The following CRYL1 variants were observed in gnomAD, a reference collection of about 807,000 sequenced individuals.
CRYL1 encodes the protein crystallin lambda 1, also known as lambda-crystallin homolog.
In CRYL1, 29 loss-of-function variants were observed where a neutral mutation model predicts 36.6. The observed-to-expected ratio is 0.79, with a 90% CI of 0.59 to 1.08. CRYL1 has a LOEUF of 1.08. Ranked by LOEUF, CRYL1 falls within the 50% of genes least tolerant of loss-of-function variation. The pLI, the probability that CRYL1 is intolerant of heterozygous loss-of-function variation, is 0.00. For missense variants in CRYL1, 411 were observed against 407.9 expected (o/e 1.01, Z -0.06); for synonymous variants, 152 against 151.5 (o/e 1.00, Z -0.02).
intron 3 of CRYL1, among the ~76,000 whole-genome samples, chr13:20,462,264 C>T (rs2032846828): frequency 6.6e-6 from 1 of 151,454 alleles, no homozygotes; most frequent in African/African-American, 2.4e-5. Context: ...TGGTGGGAGG[C>T]CCTGGGGGCG....
Position 20,413,341 on chromosome 13 carries a change from C to A in CRYL1, c.680G>T (p.Gly227Val), listed in dbSNP as rs766916866. 1.9e-6 allele frequency: 3 copies of A among 1,613,826 alleles called. No homozygotes were observed. Among genetic ancestry groups the A allele is most frequent in the South Asian group, 1.1e-5 (1 of 91,034 alleles). ...AATGAATGCATACCGCATGCCCAAC[C>A]CTTCTGACATGACAAGGTCCAGGTC... ...PSDLDLVMSE[G>V]LGMRYAFIGP... is the part of the protein sequence containing the mutation. The change falls in exon 6 of 8, where the codon GGG becomes GTG. Residue 227 changes from glycine to valine, a missense_variant. Coordinates refer to ENST00000298248, the MANE Select transcript of CRYL1 (RefSeq NM_015974.3).
chr13:20,408,042 C>G (rs2031422313), intron 6 of CRYL1, among the ~76,000 whole-genome samples: 1 of 152,194 alleles, frequency 6.6e-6, no homozygotes, highest in South Asian at 2.1e-4. Context: ...TGAACCCACA[C>G]CTGTATGAAT....
chr13:20,462,256 GT>G (rs2032846581), intron 3 of CRYL1, among the ~76,000 whole-genome samples: 1 of 151,798 alleles, frequency 6.6e-6, no homozygotes, highest in Non-Finnish European at 1.5e-5. Flanking sequence ...GGATGGCCTG[GT>G]GGGAGGCCCT....
At chr13:20,419,841 TCAC>T (rs1169911982) in intron 5 of CRYL1, among the ~76,000 whole-genome samples, 1 of 152,216 alleles carries the variant, frequency 6.6e-6, no homozygotes, top group African/African-American at 2.4e-5. Flanking sequence ...TCTATACTCT[TCAC>T]CACATGTTGC....
rs149505593 is a variant in CRYL1 at position 20,498,952 on chromosome 13, G to A, written c.150-9456C>T. 2.0e-4 allele frequency among the ~76,000 whole-genome samples: 31 copies of A among 152,316 alleles called. No homozygotes were observed. In the East Asian group the frequency reaches 5.0e-3, roughly 25 times the overall value. On this transcript the variant is annotated intron_variant, in intron 2 of 7. Transcript: ENST00000298248. ...AGACTTCCCAACAGCAAAATATCAA[G>A]TTCTAAATTCTCTGACCTTAAACTA...
chr13:20,447,517 A>AC (rs910909499), intron 3 of CRYL1, among the ~76,000 whole-genome samples: 1 of 150,612 alleles, frequency 6.6e-6, no homozygotes, highest in Non-Finnish European at 1.5e-5. Context: ...CCCTTCCACC[A>AC]CCCCCCCTCC....
chr13:20,420,280 A>C (rs1593432051), intron 5 of CRYL1, among the ~76,000 whole-genome samples: 1 of 152,152 alleles, frequency 6.6e-6, no homozygotes. Context: ...CAGGTGGACC[A>C]CCCTGGCCAG....
intron 2 of CRYL1, among the ~76,000 whole-genome samples, chr13:20,489,698 G>C (rs2033472174): frequency 6.6e-6 from 1 of 152,200 alleles, no homozygotes. Context: ...GTGCACTGCT[G>C]GTGAGACTGT....
chr13:20,474,604 G>A (rs765576940), intron 3 of CRYL1, among the ~76,000 whole-genome samples: 7 of 152,228 alleles, frequency 4.6e-5, no homozygotes, highest in Non-Finnish European at 8.8e-5. Flanking sequence ...GGGACAGCTT[G>A]AGGAAAAGAT....
At chr13:20,513,508 T>C (rs1173516058) in intron 1 of CRYL1, 3 of 152,200 alleles carry the variant, frequency 2.0e-5, no homozygotes, top group African/African-American at 7.2e-5. Flanking sequence ...TTCCATTTTA[T>C]ATGTAGGGAA....
At chr13:20,519,367 G>C (rs1336073785) in intron 1 of CRYL1, among the ~76,000 whole-genome samples, 2 of 152,172 alleles carry the variant, frequency 1.3e-5, no homozygotes, top group Non-Finnish European at 2.9e-5. Flanking sequence ...GAGCAGATTT[G>C]TGGGATTGAT....
At chr13:20,474,012 C>T (rs1041332686) in intron 3 of CRYL1, among the ~76,000 whole-genome samples, 1 of 152,120 alleles carries the variant, frequency 6.6e-6, no homozygotes, top group African/African-American at 2.4e-5. Context: ...ATTTCTTCTT[C>T]TCTGAAGAAG....
chr13:20,524,464 G>A (rs1303854270), intron 1 of CRYL1, among the ~76,000 whole-genome samples: 1 of 151,670 alleles, frequency 6.6e-6, no homozygotes, highest in African/African-American at 2.4e-5. Context: ...CGCAACCTCC[G>A]CCTCCCGGGT....
intron 3 of CRYL1, among the ~76,000 whole-genome samples, chr13:20,456,393 T>C (rs1195224288): frequency 1.3e-5 from 2 of 150,224 alleles, no homozygotes; most frequent in Non-Finnish European, 3.0e-5. Context: ...GAATCTCACT[T>C]GAACCTGGGA....
At chr13:20,458,535 T>G (rs1378464299) in intron 3 of CRYL1, among the ~76,000 whole-genome samples, 1 of 152,228 alleles carries the variant, frequency 6.6e-6, no homozygotes, top group African/African-American at 2.4e-5. Context: ...AATGCTAACC[T>G]TAATTTTAAT....
At chr13:20,456,897 T>C (rs1295625682) in intron 3 of CRYL1, among the ~76,000 whole-genome samples, 1 of 152,176 alleles carries the variant, frequency 6.6e-6, no homozygotes, top group East Asian at 1.9e-4. Context: ...ATCAGTACTT[T>C]GCCTCTCAGC....
At chr13:20,416,331 G>A (rs940070532) in intron 5 of CRYL1, among the ~76,000 whole-genome samples, 2 of 152,220 alleles carry the variant, frequency 1.3e-5, no homozygotes, top group Admixed American at 6.5e-5. Flanking sequence ...GGGCATCACG[G>A]GGGCTGGGGG....
At chr13:20,412,070 G>C (rs2031536987) in intron 6 of CRYL1, among the ~76,000 whole-genome samples, 1 of 152,112 alleles carries the variant, frequency 6.6e-6, no homozygotes, top group Admixed American at 6.6e-5. Flanking sequence ...CTCTCGCAGA[G>C]GGAGTTTCCT....
intron 5 of CRYL1, among the ~76,000 whole-genome samples, chr13:20,423,767 GTTCTT>G (rs2031870469): frequency 8.2e-6 from 1 of 121,486 alleles, no homozygotes; most frequent in Non-Finnish European, 1.7e-5. Context: ...GGGGGTGTGG[GTTCTT>G]TTTTTTTTTT....
Sources: allele counts gnomAD v4.1 joint callset (sites outside exome capture counted in the v4.1 genomes callset), GRCh38; gene constraint gnomAD v4.1.1; transcripts MANE v1.5; gene names NCBI Gene and HGNC (gene_info 2026-07-23, HGNC 2026-07-21).